Variants in NEBL observed in about 807,000 individuals in gnomAD.
NEBL encodes nebulette.
Under a neutral mutation model 140.2 loss-of-function variants are expected in NEBL, and 122 were observed. The ratio of observed to expected loss-of-function variants is 0.87; its 90% CI spans 0.75 to 1.01. The LOEUF is 1.01. Ranked by LOEUF, NEBL falls within the 50% of genes least tolerant of loss-of-function variation. The probability of loss-of-function intolerance (pLI) is 0.00; values close to 1 mark genes in which losing one functional copy is unlikely to be tolerated. For synonymous variants in NEBL, 436 were observed against 398.9 expected (o/e 1.09, Z -1.11); for missense variants, 1,365 against 1,231.3 (o/e 1.11, Z -1.62).
intron 2 of NEBL, among the ~76,000 whole-genome samples, chr10:21,031,641 A>C (rs1833798849): frequency 6.6e-6 from 1 of 152,230 alleles, no homozygotes; most frequent in African/African-American, 2.4e-5. Flanking sequence ...CCAAGCTGCC[A>C]CATCAAGAAC....
In NEBL at chr10:20,785,364, G is replaced by T; in HGVS notation, c.*383C>A. 3.8e-6 allele frequency: 1 copy of T among 265,204 alleles called. No individual in the cohort carries two copies. The allele number at this position is 265,204 out of a possible 1,614,324, so 16.4% of individuals were successfully genotyped here. A position where few individuals can be genotyped will look rare whatever the true frequency, so the allele number is the denominator to read the frequency against. On this transcript the variant is annotated 3_prime_UTR_variant, in exon 28 of 28. Coordinates refer to ENST00000377122, the MANE Select transcript of NEBL (RefSeq NM_006393.3). ...TATTGGCTGCATTACAGAGTTAAGA[G>T]AATTGGCTTGGGGTGATTCCAAAGT... is the stretch of plus-strand genomic sequence containing the variant.
chr10:21,049,801 A>G (rs1018913251), intron 2 of NEBL, among the ~76,000 whole-genome samples: 4 of 152,040 alleles, frequency 2.6e-5, no homozygotes, highest in African/African-American at 7.2e-5. Context: ...ATGTGGAGAG[A>G]GGAAGGCCAC....
At chr10:21,179,864 G>A (rs1280773152), upstream of NEBL, among the ~76,000 whole-genome samples, 3 of 152,154 alleles carry the variant, frequency 2.0e-5, no homozygotes, top group African/African-American at 7.2e-5. Flanking sequence ...GAGGCTGGGA[G>A]GGATGGCTCA....
rs947943087 is a variant in NEBL, at chr10:21,209,903, G to C, written n.349-37426C>G. On this transcript the variant is annotated intron_variant and non_coding_transcript_variant, in intron 3 of 8. Transcript: ENST00000675702. ...TTGTGGAGCCAGGAACTGGTGTCAC[G>C]CTTGTCAGGATGAGGGACCTTAGAA... Among the ~76,000 whole-genome samples the C allele has an allele frequency of 2.6e-5, 4 of 152,104 alleles. No individual in the cohort carries two copies. In the South Asian group the frequency reaches 8.3e-4, roughly 32 times the overall value.
chr10:21,215,889 T>G (rs947756946), intron 3 of NEBL, among the ~76,000 whole-genome samples: 2 of 152,212 alleles, frequency 1.3e-5, no homozygotes, highest in African/African-American at 4.8e-5. Flanking sequence ...CAGGCTGGTC[T>G]TAAACTCCTG....
At chr10:20,911,154 AT>A (rs1848316022) in intron 4 of NEBL, among the ~76,000 whole-genome samples, 1 of 152,184 alleles carries the variant, frequency 6.6e-6, no homozygotes, top group African/African-American at 2.4e-5. Context: ...ACAAAACAAG[AT>A]CCTGTCTCAA....
At chr10:21,159,113 C>T (rs750613792) in intron 2 of NEBL, among the ~76,000 whole-genome samples, 8 of 152,162 alleles carry the variant, frequency 5.3e-5, no homozygotes, top group Non-Finnish European at 8.8e-5. Flanking sequence ...TTTTCCTCCA[C>T]CCTTTTTTTA....
At chr10:21,051,774 T>C (rs1834789887) in intron 2 of NEBL, among the ~76,000 whole-genome samples, 1 of 152,256 alleles carries the variant, frequency 6.6e-6, no homozygotes, top group Non-Finnish European at 1.5e-5. Flanking sequence ...ACTCTGTTTT[T>C]AAAACCACTT....
chr10:20,963,088 C>G (rs1836134302), intron 3 of NEBL, among the ~76,000 whole-genome samples: 1 of 151,106 alleles, frequency 6.6e-6, no homozygotes, highest in Admixed American at 6.6e-5. Flanking sequence ...TTAAGAATAC[C>G]TAATTCTTCT....
chr10:21,119,005 T>G (rs1291457777), intron 2 of NEBL, among the ~76,000 whole-genome samples: 4 of 152,136 alleles, frequency 2.6e-5, no homozygotes, highest in Non-Finnish European at 5.9e-5. Context: ...ACTTGCAACA[T>G]GAGAAAGCTA....
chr10:21,270,889 C>T (rs537450816), intron 1 of NEBL, among the ~76,000 whole-genome samples: 1 of 152,148 alleles, frequency 6.6e-6, no homozygotes, highest in Non-Finnish European at 1.5e-5. Context: ...AATTTGGGGA[C>T]AAAATCCCAG....
chr10:20,787,442 T>G, intron 26 of NEBL, 134 bp from the exon 27 acceptor site: 1 of 733,610 alleles, frequency 1.4e-6, no homozygotes, highest in Non-Finnish European at 2.4e-6. Flanking sequence ...TTGTGAAATT[T>G]AAGTTGCAGT....
chr10:20,836,924 C>A (rs978368612), intron 13 of NEBL, among the ~76,000 whole-genome samples: 1 of 152,108 alleles, frequency 6.6e-6, no homozygotes, highest in Admixed American at 6.5e-5. Flanking sequence ...ACCAAATGCA[C>A]CCCTATAAGT....
At chr10:20,866,177 T>A (rs1844264664) in intron 7 of NEBL, among the ~76,000 whole-genome samples, 1 of 152,112 alleles carries the variant, frequency 6.6e-6, no homozygotes, top group Admixed American at 6.6e-5. Context: ...GAAATCACTT[T>A]TTTATCATTA....
intron 4 of NEBL, among the ~76,000 whole-genome samples, chr10:20,907,256 A>G (rs1281754495): frequency 6.6e-6 from 1 of 152,186 alleles, no homozygotes; most frequent in Non-Finnish European, 1.5e-5. Context: ...ATAAGTCTTC[A>G]GTGTGGAAAT....
At chr10:20,974,648 A>G (rs1836717800) in intron 3 of NEBL, among the ~76,000 whole-genome samples, 4 of 152,194 alleles carry the variant, frequency 2.6e-5, no homozygotes, top group Non-Finnish European at 5.9e-5. Context: ...TTGTTCTTAC[A>G]TGTTACATAC....
intron 2 of NEBL, among the ~76,000 whole-genome samples, chr10:21,134,346 G>C (rs1262714691): frequency 6.6e-6 from 1 of 152,090 alleles, no homozygotes; most frequent in Non-Finnish European, 1.5e-5. Flanking sequence ...TAAAGACAAT[G>C]TATTCTTATT....
intron 1 of NEBL, among the ~76,000 whole-genome samples, chr10:21,284,164 C>T (rs1244788540): frequency 2.8e-5 from 4 of 141,050 alleles, no homozygotes; most frequent in African/African-American, 8.0e-5. Flanking sequence ...GAGCCGAGAT[C>T]GCACCACTGC....
chr10:21,186,658 C>T (rs1051453075), intron 3 of NEBL, among the ~76,000 whole-genome samples: 4 of 150,836 alleles, frequency 2.7e-5, no homozygotes, highest in Middle Eastern at 6.9e-3. Context: ...GAATTGTTTG[C>T]GACTTTTTTT....
Sources: gnomAD v4.1 joint callset for allele counts (sites outside exome capture counted in the v4.1 genomes callset) on GRCh38, gnomAD v4.1.1 for gene constraint, MANE v1.5 for transcripts, NCBI Gene and HGNC (gene_info 2026-07-23, HGNC 2026-07-21) for gene names.